COL24A1: variants seen among roughly 807,000 people sequenced by gnomAD.
COL24A1 encodes collagen type XXIV alpha 1 chain.
In COL24A1, 224 loss-of-function variants were observed where a neutral mutation model predicts 253.9. The ratio of observed to expected loss-of-function variants is 0.88; its 90% CI spans 0.79 to 0.99. The LOEUF is 0.99. COL24A1 is among the 50% of genes least tolerant of loss of function. COL24A1 has a pLI of 0.00. For synonymous variants in COL24A1, 685 were observed against 673.7 expected, an observed-to-expected ratio of 1.02 and a Z score of -0.26; for missense variants, 2,131 against 2,068.5, an observed-to-expected ratio of 1.03 and a Z score of -0.59.
At position 86,132,631 on chromosome 1, in the gene COL24A1, C is replaced by T. The variant is rs550988839; in HGVS notation, c.122-6417G>A. On this transcript the variant is annotated intron_variant, in intron 2 of 59. Transcript: ENST00000370571. Reference sequence around the variant, plus strand: ...CATTTGTTAAATAGGGAATCCTTTCCCCATTTCTTGTTTTTGTCAGATTTG... The same window carrying T: ...CATTTGTTAAATAGGGAATCCTTTCTCCATTTCTTGTTTTTGTCAGATTTG... Among the ~76,000 whole-genome samples the T allele has an allele frequency of 1.1e-4, 17 of 152,262 alleles. No individual in the cohort carries two copies. The South Asian group carries it at 2.3e-3, about 20-fold the overall frequency.
rs1047462827 is a variant in COL24A1, at chr1:85,895,846, T to A, written c.2922+12A>T. ...AAAAATTTTTCATAGCATGATTTTT[T>A]AAATTACTTACTGGTTTCCCTTGAA... On this transcript the variant is annotated intron_variant, in intron 31 of 59. Transcript: ENST00000370571. The A allele has an allele frequency of 7.5e-6, 12 of 1,601,588 alleles. No individual in the cohort carries two copies. The highest frequency in any genetic ancestry group is 1.3e-5 in the African/African-American group (1 of 74,534).
chr1:85,845,864 CAT>C (rs1292950223), intron 39 of COL24A1, among the ~76,000 whole-genome samples: 2 of 151,646 alleles, frequency 1.3e-5, no homozygotes, highest in East Asian at 3.9e-4. Context: ...AATAAAAAGA[CAT>C]ATGGTGTTTA....
At chr1:85,889,512 GT>G (rs149730941) in intron 32 of COL24A1, 47 bp downstream of exon 32, 15,365 of 1,488,582 alleles carry the variant, frequency 0.01, 128 homozygotes, top group Non-Finnish European at 0.013. Flanking sequence ...AAATGTAAAT[GT>G]ATTTTATGAG....
chr1:85,963,735 C>T lies in COL24A1; in HGVS notation c.2517+1274G>A, dbSNP rs1231640057. Among the ~76,000 whole-genome samples, 10 of 152,078 alleles carry T rather than the reference C, an allele frequency of 6.6e-5. 1 individual carries two copies. Among genetic ancestry groups the T allele is most frequent in the Admixed American group, 6.6e-4 (10 of 15,252 alleles). On this transcript the variant is annotated intron_variant, in intron 23 of 59. Coordinates refer to ENST00000370571, the MANE Select transcript of COL24A1 (RefSeq NM_152890.7). The stretch of plus-strand genomic sequence containing the variant: ...AAAATTTCCTGTGTTTACTAGGTAA[C>T]ACAGAAGCCACCTAGATTTTGGTGT...
intron 20 of COL24A1, among the ~76,000 whole-genome samples, chr1:85,982,069 A>G (rs776809628): frequency 2.6e-5 from 4 of 152,164 alleles, no homozygotes; most frequent in Non-Finnish European, 5.9e-5. Flanking sequence ...TATACAAACA[A>G]TGGAATATTA....
At chr1:86,123,538 TAAGTA>T (rs1647733463) in intron 3 of COL24A1, among the ~76,000 whole-genome samples, 1 of 152,016 alleles carries the variant, frequency 6.6e-6, no homozygotes, top group African/African-American at 2.4e-5. Context: ...TAGCAGAGAC[TAAGTA>T]AATATCTGCT....
chr1:86,123,509 T>C (rs1647726970), intron 3 of COL24A1, among the ~76,000 whole-genome samples: 1 of 152,026 alleles, frequency 6.6e-6, no homozygotes, highest in Admixed American at 6.6e-5. Flanking sequence ...ATACATACTT[T>C]GTGTTCCTGC....
intron 43 of COL24A1, among the ~76,000 whole-genome samples, chr1:85,825,131 T>C (rs559139695): frequency 7.4e-6 from 1 of 135,356 alleles, no homozygotes; most frequent in East Asian, 2.5e-4. Context: ...TGTCCATGTG[T>C]TCTCATTGTT....
chr1:85,895,756 T>A, intron 31 of COL24A1, 102 bp downstream of exon 31: 1 of 906,064 alleles, frequency 1.1e-6, no homozygotes, highest in Non-Finnish European at 1.7e-6. Flanking sequence ...ATATATATAA[T>A]TTTTATGTGT....
intron 19 of COL24A1, among the ~76,000 whole-genome samples, chr1:86,015,882 T>C (rs1161430822): frequency 7.3e-6 from 1 of 136,196 alleles, no homozygotes; most frequent in Non-Finnish European, 1.6e-5. Flanking sequence ...CTCTACTTTT[T>C]CTTTTTTTTT....
chr1:86,018,141 A>G (rs768803264), intron 18 of COL24A1, among the ~76,000 whole-genome samples: 2 of 152,188 alleles, frequency 1.3e-5, no homozygotes, highest in Non-Finnish European at 2.9e-5. Flanking sequence ...TGTCATATTA[A>G]GTTTCTATAT....
intron 8 of COL24A1, 135 bp from the exon 9 acceptor site, chr1:86,059,309 T>A (rs1197758817): frequency 2.0e-5 from 10 of 507,658 alleles, no homozygotes; most frequent in Non-Finnish European, 3.4e-5. Flanking sequence ...GTAACTGAAA[T>A]CACCTACGTG....
chr1:86,072,156 C>G (rs528412271), intron 7 of COL24A1, among the ~76,000 whole-genome samples: 61 of 152,252 alleles, frequency 4.0e-4, no homozygotes, highest in African/African-American at 1.3e-3. Flanking sequence ...GCCAGTGAGA[C>G]AGAACTGTTC....
chr1:85,827,803 A>T (rs1674592496), intron 43 of COL24A1, among the ~76,000 whole-genome samples: 2 of 151,358 alleles, frequency 1.3e-5, no homozygotes, highest in Admixed American at 6.6e-5. Flanking sequence ...TGTCTGTTTG[A>T]TTCTTCTCTC....
intron 55 of COL24A1, among the ~76,000 whole-genome samples, chr1:85,756,810 C>T (rs537597676): frequency 9.9e-5 from 15 of 152,246 alleles, no homozygotes; most frequent in Non-Finnish European, 1.9e-4. Flanking sequence ...GTAGAAGCAA[C>T]GTAAGTGTCC....
intron 47 of COL24A1, among the ~76,000 whole-genome samples, chr1:85,796,586 T>C (rs1670828022): frequency 1.3e-5 from 2 of 152,204 alleles, no homozygotes; most frequent in Admixed American, 6.5e-5. Context: ...CCAAACTCCA[T>C]GAGGGCAGTT....
At position 86,110,823 on chromosome 1, in the gene COL24A1, C is replaced by A. The variant is rs905583434; in HGVS notation, c.1599+1744G>T. On this transcript the variant is annotated intron_variant, in intron 5 of 59. Transcript: ENST00000370571. ...TGCAGCCCACCATGCCCGACCCCCG[C>A]CCCCCACACCCCATGGGCTGCCGCG... Among the ~76,000 whole-genome samples, 14 of 151,718 alleles carry A rather than the reference C, an allele frequency of 9.2e-5. 1 individual carries two copies. Among genetic ancestry groups the A allele is most frequent in the African/African-American group, 2.9e-4 (12 of 41,310 alleles).
rs866697572 is a variant in COL24A1 at position 85,754,543 on chromosome 1, A to T, written c.4437+6853T>A. Among the ~76,000 whole-genome samples, 362 of 89,264 alleles carry T rather than the reference A, an allele frequency of 4.1e-3. 3 individuals are homozygous for T. Among genetic ancestry groups the T allele is most frequent in the Admixed American group, 0.013 (133 of 10,442 alleles). 58.6% of individuals were successfully genotyped at this position (89,264 alleles called of 152,430 possible). A position where few individuals can be genotyped will look rare whatever the true frequency, so the allele number is the denominator to read the frequency against. On this transcript the variant is annotated intron_variant, in intron 55 of 59. Coordinates refer to ENST00000370571, the MANE Select transcript of COL24A1 (RefSeq NM_152890.7). The stretch of plus-strand genomic sequence containing the variant: ...CCTAAAACTTAGAGTATAATAAAAA[A>T]AAAAATTAAAAAAAAAAAAAAAGAA...
At chr1:85,923,431 C>T (rs921293749) in intron 24 of COL24A1, among the ~76,000 whole-genome samples, 10 of 152,138 alleles carry the variant, frequency 6.6e-5, no homozygotes, top group Non-Finnish European at 1.3e-4. Context: ...TAAAGCACTC[C>T]TCAGCAAATG....
Sources: allele counts gnomAD v4.1 joint callset (sites outside exome capture counted in the v4.1 genomes callset), GRCh38; gene constraint gnomAD v4.1.1; transcripts MANE v1.5; gene names NCBI Gene and HGNC (gene_info 2026-07-23, HGNC 2026-07-21).